PRKD1: variants seen among roughly 807,000 people sequenced by gnomAD.
PRKD1 encodes the protein protein kinase D1.
PRKD1 carries 63 observed loss-of-function variants against 95.9 expected under a neutral mutation model. The observed-to-expected ratio is 0.66, with a 90% CI of 0.54 to 0.81. PRKD1 has a LOEUF of 0.81. PRKD1 is among the 30% of genes least tolerant of loss of function. The probability of loss-of-function intolerance (pLI) is 0.00; values close to 1 mark genes in which losing one functional copy is unlikely to be tolerated. For missense variants in PRKD1, 1,048 were observed against 1,165.3 expected (o/e 0.90, Z 1.47); for synonymous variants, 425 against 423.1 (o/e 1.00, Z -0.05).
chr14:29,628,315 T>C (rs767758423), intron 11 of PRKD1, among the ~76,000 whole-genome samples: 116 of 152,214 alleles, frequency 7.6e-4, no homozygotes, highest in Non-Finnish European at 1.6e-3. Context: ...TGCATTCTTT[T>C]GGCCATAGAT....
At chr14:29,771,153 G>A (rs527924406) in intron 1 of PRKD1, among the ~76,000 whole-genome samples, 12 of 152,198 alleles carry the variant, frequency 7.9e-5, no homozygotes, top group African/African-American at 2.6e-4. Flanking sequence ...ATGAAAAAGC[G>A]AGTTCAGGAG....
chr14:29,709,580 C>T (rs1885248135), intron 2 of PRKD1, among the ~76,000 whole-genome samples: 1 of 152,126 alleles, frequency 6.6e-6, no homozygotes, highest in Admixed American at 6.6e-5. Context: ...GAAATTGGCT[C>T]AAATAATCAT....
intron 1 of PRKD1, among the ~76,000 whole-genome samples, chr14:29,732,547 T>G (rs2139412791): frequency 6.6e-6 from 1 of 152,316 alleles, no homozygotes; most frequent in South Asian, 2.1e-4. Flanking sequence ...CTAATTTTAC[T>G]ATTTCTGTCA....
Position 29,927,255 on chromosome 14 carries a change from G to T in PRKD1, c.258C>A (p.Asp86Glu), listed in dbSNP as rs1224162088. Residue 86 changes from aspartate (D) to glutamate (E), a missense_variant, in exon 1 of 18, where the codon GAC (aspartate) becomes GAA (glutamate). By Grantham distance (45) the Asp-to-Glu change is conservative. Coordinates refer to ENST00000331968, the MANE Select transcript of PRKD1 (RefSeq NM_002742.3). ...HVREMACSIV[D>E]QKFPECGFYG... ...CAGCGGTGCGGCGACTTACCTTCTG[G>T]TCGACAATGGAGCAAGCCATCTCGC... 1 of 1,506,204 alleles carries T rather than the reference G, an allele frequency of 6.6e-7. No homozygotes were observed. The highest frequency in any genetic ancestry group is 8.9e-7 in the Non-Finnish European group (1 of 1,127,904). 93.3% of individuals were successfully genotyped at this position (1,506,204 alleles called of 1,614,324 possible).
chr14:29,620,300 G>T (rs1355967966), intron 13 of PRKD1, among the ~76,000 whole-genome samples: 4 of 151,804 alleles, frequency 2.6e-5, no homozygotes, highest in Non-Finnish European at 4.4e-5. Flanking sequence ...AAAAGCAATG[G>T]CAACAAAAGC....
chr14:29,678,692 A>T, intron 2 of PRKD1, among the ~76,000 whole-genome samples: 1 of 152,182 alleles, frequency 6.6e-6, no homozygotes, highest in Non-Finnish European at 1.5e-5. Context: ...AACTTTTCAC[A>T]ATCTAAATCA....
intron 1 of PRKD1, among the ~76,000 whole-genome samples, chr14:29,898,252 T>C (rs1015968146): frequency 2.6e-5 from 4 of 152,154 alleles, no homozygotes; most frequent in Non-Finnish European, 5.9e-5. Context: ...CTGATGGTCA[T>C]TAAATATGAT....
chr14:29,645,370 C>T (rs1244563578), intron 4 of PRKD1, among the ~76,000 whole-genome samples: 2 of 152,152 alleles, frequency 1.3e-5, no homozygotes, highest in Non-Finnish European at 2.9e-5. Context: ...GAATAAACAG[C>T]TGCTATTGCA....
intron 13 of PRKD1, among the ~76,000 whole-genome samples, chr14:29,621,204 A>AG (rs1339829147): frequency 7.2e-5 from 4 of 55,662 alleles, no homozygotes; most frequent in Admixed American, 4.4e-4. Context: ...GGATGGGGGG[A>AG]GGGGGGAGGG....
intron 10 of PRKD1, 173 bp downstream of exon 10, chr14:29,630,569 A>G (rs1879932364): frequency 2.8e-6 from 2 of 718,244 alleles, no homozygotes; most frequent in Non-Finnish European, 4.5e-6. Context: ...CAAACTAAAC[A>G]TCTTAGTATG....
intron 1 of PRKD1, among the ~76,000 whole-genome samples, chr14:29,841,889 A>C (rs187533874): frequency 0.013 from 2,028 of 151,916 alleles, 48 homozygotes; most frequent in African/African-American, 0.046. Context: ...CTGTACCCCA[A>C]AAAAAATTTT....
chr14:29,633,559 G>T (rs1880168990), intron 8 of PRKD1, among the ~76,000 whole-genome samples: 1 of 152,094 alleles, frequency 6.6e-6, no homozygotes, highest in Non-Finnish European at 1.5e-5. Flanking sequence ...TTGATGAACA[G>T]GTCCTTCTAC....
At chr14:29,714,669 T>G (rs951449186) in intron 2 of PRKD1, among the ~76,000 whole-genome samples, 2 of 152,190 alleles carry the variant, frequency 1.3e-5, no homozygotes, top group Admixed American at 6.5e-5. Flanking sequence ...ATATGTTTAT[T>G]GTGGCACTGT....
At chr14:29,643,445 A>C (rs1030447098) in intron 4 of PRKD1, among the ~76,000 whole-genome samples, 1 of 152,188 alleles carries the variant, frequency 6.6e-6, no homozygotes, top group Non-Finnish European at 1.5e-5. Flanking sequence ...GTTTCATTTG[A>C]AATTACTGCC....
chr14:29,718,273 C>T (rs1004407051), intron 2 of PRKD1, among the ~76,000 whole-genome samples: 3 of 152,084 alleles, frequency 2.0e-5, no homozygotes, highest in Admixed American at 6.6e-5. Flanking sequence ...TGAGTGAATT[C>T]TCACAAGATC....
At chr14:29,767,782 T>C (rs895188306) in intron 1 of PRKD1, among the ~76,000 whole-genome samples, 2 of 152,230 alleles carry the variant, frequency 1.3e-5, no homozygotes, top group Non-Finnish European at 2.9e-5. Flanking sequence ...GGCACAACTA[T>C]ATTTTAAAGT....
At chr14:29,826,848 T>TATATATACATATATATATACACAC (rs1566623234) in intron 1 of PRKD1, among the ~76,000 whole-genome samples, 1 of 68,582 alleles carries the variant, frequency 1.5e-5, no homozygotes, top group African/African-American at 8.3e-5. Context: ...TACACACATA[T>TATATATACATATATATATACACAC]ATATATATAT....
At chr14:29,751,076 A>G (rs948564641) in intron 1 of PRKD1, 4 of 152,192 alleles carry the variant, frequency 2.6e-5, no homozygotes, top group African/African-American at 7.2e-5. Context: ...CAAGGTAATA[A>G]CATGAACCAG....
chr14:29,702,495 C>A (rs1381965439), intron 2 of PRKD1, among the ~76,000 whole-genome samples: 1 of 151,964 alleles, frequency 6.6e-6, no homozygotes, highest in Non-Finnish European at 1.5e-5. Context: ...TAACTTGCTA[C>A]ACATTTATCT....
Sources: gnomAD v4.1 joint callset for allele counts (sites outside exome capture counted in the v4.1 genomes callset) on GRCh38, gnomAD v4.1.1 for gene constraint, MANE v1.5 for transcripts, NCBI Gene and HGNC (gene_info 2026-07-23, HGNC 2026-07-21) for gene names.